Variants in C1QTNF3 observed in about 807,000 individuals in gnomAD.
C1QTNF3 encodes the protein C1q and TNF related 3.
C1QTNF3 carries 26 observed loss-of-function variants against 32.6 expected under a neutral mutation model. The observed-to-expected ratio is 0.80, with a 90% CI of 0.58 to 1.11. C1QTNF3 has a LOEUF of 1.11. Ranked by LOEUF, C1QTNF3 falls within the 50% of genes least tolerant of loss-of-function variation. The probability of loss-of-function intolerance (pLI) is 0.00; values close to 1 mark genes in which losing one functional copy is unlikely to be tolerated. For missense variants in C1QTNF3, 362 were observed against 398.2 expected, an observed-to-expected ratio of 0.91 and a Z score of 0.77; for synonymous variants, 155 against 146.0, an observed-to-expected ratio of 1.06 and a Z score of -0.44.
At chr5:34,232,856 T>C in the C1QTNF3 span, among the ~76,000 whole-genome samples, 7 of 152,058 alleles carry the variant, frequency 4.6e-5, no homozygotes, top group African/African-American at 1.7e-4. Context: ...GCACATATTT[T>C]TTTAATAATC....
At chr5:34,207,746 A>C in the C1QTNF3 span, among the ~76,000 whole-genome samples, 1 of 152,124 alleles carries the variant, frequency 6.6e-6, no homozygotes, top group Non-Finnish European at 1.5e-5. Flanking sequence ...AAGTAAAAAA[A>C]GCTCAGGATA....
At chr5:34,155,132 C>T in the C1QTNF3 span, among the ~76,000 whole-genome samples, 1 of 152,146 alleles carries the variant, frequency 6.6e-6, no homozygotes, top group East Asian at 1.9e-4. Flanking sequence ...TAGAGCTTGG[C>T]TATAATCATC....
the C1QTNF3 span, among the ~76,000 whole-genome samples, chr5:34,195,278 T>G: frequency 6.6e-6 from 1 of 151,266 alleles, no homozygotes; most frequent in African/African-American, 2.4e-5. Flanking sequence ...AAAATAAAAA[T>G]TTTTAAAGCT....
At chr5:34,057,574 C>T in the C1QTNF3 span, among the ~76,000 whole-genome samples, 1 of 152,236 alleles carries the variant, frequency 6.6e-6, no homozygotes, top group African/African-American at 2.4e-5. Flanking sequence ...CTACAATTCT[C>T]ATTCCTATAA....
chr5:34,220,488 TAGCATA>T, the C1QTNF3 span, among the ~76,000 whole-genome samples: 1 of 143,636 alleles, frequency 7.0e-6, no homozygotes, highest in East Asian at 2.0e-4. Context: ...TGAGTTCAGT[TAGCATA>T]CACACACACA....
the C1QTNF3 span, among the ~76,000 whole-genome samples, chr5:34,062,707 G>C: frequency 1.3e-5 from 2 of 152,206 alleles, no homozygotes; most frequent in Non-Finnish European, 2.9e-5. Context: ...GTTCCTCCCA[G>C]ATCAGGTCAG....
the C1QTNF3 span, among the ~76,000 whole-genome samples, chr5:34,063,252 CTCTT>C: frequency 0.012 from 1,871 of 152,084 alleles, 41 homozygotes; most frequent in African/African-American, 0.043. Context: ...CTCTTTCTCT[CTCTT>C]TCTTTGACTT....
At chr5:34,177,372 G>A in the C1QTNF3 span, among the ~76,000 whole-genome samples, 1 of 151,874 alleles carries the variant, frequency 6.6e-6, no homozygotes, top group African/African-American at 2.4e-5. Flanking sequence ...GAGTACAGTG[G>A]TGCAATTATG....
intron 1 of C1QTNF3, among the ~76,000 whole-genome samples, chr5:34,039,547 A>G (rs1331658289): frequency 6.6e-6 from 1 of 152,144 alleles, no homozygotes; most frequent in African/African-American, 2.4e-5. Context: ...ATTTACTTCT[A>G]CATTCCCCAA....
chr5:34,076,746 CA>C, the C1QTNF3 span, among the ~76,000 whole-genome samples: 70 of 151,734 alleles, frequency 4.6e-4, no homozygotes, highest in Middle Eastern at 3.4e-3. Flanking sequence ...TCTGTAGTGA[CA>C]TTTTCTTAAA....
At chr5:34,051,768 G>C in the C1QTNF3 span, among the ~76,000 whole-genome samples, 1 of 152,186 alleles carries the variant, frequency 6.6e-6, no homozygotes, top group Non-Finnish European at 1.5e-5. Flanking sequence ...GTTAAATTGG[G>C]GCCAGCTGAC....
the C1QTNF3 span, among the ~76,000 whole-genome samples, chr5:34,174,561 C>T: frequency 2.0e-5 from 3 of 152,092 alleles, no homozygotes; most frequent in Admixed American, 6.6e-5. Context: ...CTTTCAAAAG[C>T]CTATCTTCCC....
At chr5:34,050,599 T>G in the C1QTNF3 span, among the ~76,000 whole-genome samples, 8 of 152,202 alleles carry the variant, frequency 5.3e-5, no homozygotes, top group Non-Finnish European at 7.3e-5. Flanking sequence ...AGCACATACT[T>G]ACTGTAAATC....
the C1QTNF3 span, chr5:34,164,814 C>CAA: frequency 9.5e-6 from 1 of 105,012 alleles, no homozygotes; most frequent in African/African-American, 2.8e-5. Context: ...CCATTTTTCT[C>CAA]AAAACACACA....
chr5:34,150,425 AT>A, the C1QTNF3 span, among the ~76,000 whole-genome samples: 2 of 87,264 alleles, frequency 2.3e-5, no homozygotes, highest in East Asian at 5.1e-4. Flanking sequence ...CACCACACCT[AT>A]TCCAAAATTG....
chr5:34,056,542 T>G, the C1QTNF3 span, among the ~76,000 whole-genome samples: 1 of 137,706 alleles, frequency 7.3e-6, no homozygotes, highest in African/African-American at 2.8e-5. Flanking sequence ...AGATAGGGTG[T>G]CAGCCTGTTC....
the C1QTNF3 span, among the ~76,000 whole-genome samples, chr5:34,244,003 TATA>T: frequency 6.6e-6 from 1 of 152,222 alleles, no homozygotes; most frequent in Admixed American, 6.5e-5. Context: ...TGGATTAGAA[TATA>T]ATATTTTTTA....
the C1QTNF3 span, among the ~76,000 whole-genome samples, chr5:34,063,625 G>A: frequency 6.6e-6 from 1 of 152,230 alleles, no homozygotes; most frequent in South Asian, 2.1e-4. Context: ...TGGCAAGGGT[G>A]GTGGGGAACA....
At chr5:34,216,306 C>T in the C1QTNF3 span, among the ~76,000 whole-genome samples, 3 of 152,170 alleles carry the variant, frequency 2.0e-5, no homozygotes. Context: ...AAGGACAGTA[C>T]AGCACAATAT....
Sources: allele counts gnomAD v4.1 joint callset (sites outside exome capture counted in the v4.1 genomes callset), GRCh38; gene constraint gnomAD v4.1.1; transcripts MANE v1.5; gene names NCBI Gene and HGNC (gene_info 2026-07-23, HGNC 2026-07-21).